TENM4: variants seen among roughly 807,000 people sequenced by gnomAD.
The protein encoded by TENM4 is teneurin-4.
A neutral mutation model predicts 243.3 loss-of-function variants in TENM4; 82 were observed. That is an observed-to-expected ratio of 0.34 (90% CI 0.28 to 0.40). TENM4 has a LOEUF of 0.40. Among genes scored for constraint, TENM4 ranks in the 10% least tolerant of loss-of-function variants. TENM4 has a pLI of 1.00. For synonymous variants in TENM4, 1,412 were observed against 1,456.3 expected, an observed-to-expected ratio of 0.97 and a Z score of 0.69; for missense variants, 3,138 against 3,673.3, an observed-to-expected ratio of 0.85 and a Z score of 3.77.
At chr11:78,884,606 C>G (rs898080340) in intron 9 of TENM4, among the ~76,000 whole-genome samples, 1 of 152,174 alleles carries the variant, frequency 6.6e-6, no homozygotes, top group Non-Finnish European at 1.5e-5. Flanking sequence ...CTAGAAAATA[C>G]AGAAAATCAT....
intron 3 of TENM4, among the ~76,000 whole-genome samples, chr11:79,214,592 A>G (rs1314467756): frequency 2.6e-5 from 4 of 152,210 alleles, no homozygotes; most frequent in Admixed American, 6.5e-5. Flanking sequence ...TTCCTTTCCT[A>G]TAAAATAGAA....
At chr11:79,370,716 T>C (rs569341321) in intron 1 of TENM4, among the ~76,000 whole-genome samples, 41 of 139,742 alleles carry the variant, frequency 2.9e-4, no homozygotes, top group Non-Finnish European at 5.0e-4. Flanking sequence ...AGGTCACTTC[T>C]TAAATAACTT....
At position 78,702,102 on chromosome 11, in the gene TENM4, G is replaced by A; in HGVS notation, c.4511C>T (p.Ser1504Leu). Residue 1504 changes from serine (S) to leucine (L), a missense_variant, in exon 28 of 34, where the codon TCA becomes TTA. By Grantham distance (145) the Ser-to-Leu change is moderately radical (BLOSUM62 -2). Around this residue, in one of 2 missense-constraint regions of TENM4, gnomAD observed 2,467 missense variants for 3,059.1 expected, o/e 0.81. Coordinates refer to ENST00000278550, the MANE Select transcript of TENM4 (RefSeq NM_001098816.3). ...GCCACTGGGGGCCCCAGCAACGAGT[G>A]AGATCTCTCCACTAGTGGTGACCTG... is the stretch of plus-strand genomic sequence containing the variant. ...IRQVTTSGEI[S>L]LVAGAPSGCD... is the part of the protein sequence containing the mutation. The A allele has an allele frequency of 6.2e-7, 1 of 1,613,978 alleles. No individual in the cohort carries two copies. The highest frequency in any genetic ancestry group is 8.5e-7 in the Non-Finnish European group (1 of 1,179,880).
chr11:79,060,894 G>C (rs1860068671), intron 6 of TENM4, among the ~76,000 whole-genome samples: 1 of 152,186 alleles, frequency 6.6e-6, no homozygotes, highest in African/African-American at 2.4e-5. Flanking sequence ...GACAGGTCCA[G>C]TGGAACTGAG....
intron 3 of TENM4, among the ~76,000 whole-genome samples, chr11:79,188,365 C>A (rs1439531494): frequency 6.6e-6 from 1 of 152,120 alleles, no homozygotes; most frequent in Admixed American, 6.5e-5. Flanking sequence ...AGAATGCTGA[C>A]TTCAATTTCA....
At chr11:79,279,789 A>C (rs535953171) in intron 2 of TENM4, among the ~76,000 whole-genome samples, 1 of 152,324 alleles carries the variant, frequency 6.6e-6, no homozygotes, top group Admixed American at 6.5e-5. Flanking sequence ...GATGCATATC[A>C]AATATCCTCT....
At chr11:78,984,221 G>A (rs1009506062) in intron 6 of TENM4, among the ~76,000 whole-genome samples, 1 of 152,116 alleles carries the variant, frequency 6.6e-6, no homozygotes, top group Non-Finnish European at 1.5e-5. Flanking sequence ...GCAAAATGGG[G>A]ATTTACAACC....
chr11:78,778,593 A>C lies in TENM4; in HGVS notation c.2392+9T>G, dbSNP rs755304613. ...AGACAACAGGAAAATAGAGGAAGGAAGACCATACCTTTAACTACCCTATCC... is the reference window on the plus strand; with the variant it reads ...AGACAACAGGAAAATAGAGGAAGGACGACCATACCTTTAACTACCCTATCC... On this transcript the variant is annotated intron_variant, in intron 17 of 33. Coordinates refer to ENST00000278550, the MANE Select transcript of TENM4 (RefSeq NM_001098816.3). 6.2e-7 allele frequency: 1 copy of C among 1,611,678 alleles called. No homozygotes were observed.
intron 3 of TENM4, among the ~76,000 whole-genome samples, chr11:79,167,077 T>C (rs1375012143): frequency 6.6e-6 from 1 of 152,238 alleles, no homozygotes; most frequent in South Asian, 2.1e-4. Flanking sequence ...TGGAGTTTAT[T>C]TGTTGCATAT....
intron 8 of TENM4, 78 bp from the exon 9 acceptor site, chr11:78,890,098 C>T (rs1413071033): frequency 1.1e-5 from 13 of 1,209,428 alleles, no homozygotes; most frequent in East Asian, 2.6e-5. Flanking sequence ...AGGCCAGAGG[C>T]GGCAGTAGAA....
chr11:78,688,952 A>G (rs543547542), intron 28 of TENM4, among the ~76,000 whole-genome samples: 15 of 152,224 alleles, frequency 9.9e-5, no homozygotes, highest in Non-Finnish European at 1.6e-4. Flanking sequence ...AATAAAAGAA[A>G]TACCTACCAT....
intron 25 of TENM4, among the ~76,000 whole-genome samples, chr11:78,715,973 G>A (rs569497994): frequency 5.3e-5 from 8 of 152,264 alleles, no homozygotes; most frequent in Admixed American, 3.3e-4. Context: ...TGACCACCTA[G>A]GGATGCCCAT....
chr11:79,099,935 T>C (rs532126681), intron 4 of TENM4, among the ~76,000 whole-genome samples: 67 of 152,348 alleles, frequency 4.4e-4, no homozygotes, highest in Middle Eastern at 3.4e-3. Context: ...GTGCAGCCAT[T>C]TGCTGCCCCA....
At chr11:78,944,091 G>A (rs183261291) in intron 6 of TENM4, among the ~76,000 whole-genome samples, 1 of 152,286 alleles carries the variant, frequency 6.6e-6, no homozygotes, top group Admixed American at 6.5e-5. Context: ...TTAGAGATAA[G>A]CAAAGTGAGG....
intron 4 of TENM4, among the ~76,000 whole-genome samples, chr11:79,123,614 TTA>T (rs1491026840): frequency 2.0e-5 from 3 of 151,558 alleles, no homozygotes; most frequent in African/African-American, 7.3e-5. Context: ...TTTTTTTTTT[TTA>T]TTAAGAATTT....
At chr11:78,970,171 C>T (rs2136570623) in intron 6 of TENM4, among the ~76,000 whole-genome samples, 1 of 152,204 alleles carries the variant, frequency 6.6e-6, no homozygotes, top group South Asian at 2.1e-4. Flanking sequence ...TGGTATCATG[C>T]CCTGCTTTTT....
chr11:79,308,969 T>C (rs934125944), intron 1 of TENM4, among the ~76,000 whole-genome samples: 1 of 152,042 alleles, frequency 6.6e-6, no homozygotes, highest in African/African-American at 2.4e-5. Flanking sequence ...TATTATGCAC[T>C]ATCTGATGAG....
intron 1 of TENM4, among the ~76,000 whole-genome samples, chr11:79,409,118 GTGCA>G (rs1565334690): frequency 2.7e-5 from 4 of 147,300 alleles, no homozygotes; most frequent in African/African-American, 9.9e-5. Flanking sequence ...GCGCGCGTGC[GTGCA>G]CGCGCACGCA....
In TENM4 at chr11:78,903,411, C is replaced by T. The variant is rs1259620522; in HGVS notation, c.606G>A (p.Arg202=). The T allele has an allele frequency of 6.5e-7, 1 of 1,539,700 alleles. No individual in the cohort carries two copies. The highest frequency in any genetic ancestry group is 8.8e-7 in the Non-Finnish European group (1 of 1,140,968). The part of the protein sequence containing the change: ...HHAASINSLN[R]GNFTPRSNPS... The stretch of plus-strand genomic sequence containing the variant: ...GGTTGCTCCTCGGCGTGAAGTTGCC[C>T]CGGTTCAGGGAGTTAATGGAGGCCG... The change falls in exon 7 of 34, where the codon CGG becomes CGA. Residue 202 remains arginine (R), a synonymous_variant. Transcript: ENST00000278550.
Sources: gnomAD v4.1 joint callset for allele counts (sites outside exome capture counted in the v4.1 genomes callset) on GRCh38, gnomAD v4.1.1 for gene constraint, gnomAD v4.1.1 regional missense constraint, MANE v1.5 for transcripts, NCBI Gene and HGNC (gene_info 2026-07-23, HGNC 2026-07-21) for gene names.